PPARGC1A: variants seen among roughly 807,000 people sequenced by gnomAD.
PPARGC1A encodes the protein peroxisome proliferator-activated receptor gamma coactivator 1-alpha.
PPARGC1A carries 25 observed loss-of-function variants against 88.7 expected under a neutral mutation model. The observed-to-expected ratio is 0.28, with a 90% CI of 0.21 to 0.39. PPARGC1A has a LOEUF of 0.39. PPARGC1A is among the 10% of genes least tolerant of loss of function. PPARGC1A has a pLI of 1.00. For missense variants in PPARGC1A, 880 were observed against 968.7 expected (o/e 0.91, Z 1.22); for synonymous variants, 363 against 355.6 (o/e 1.02, Z -0.24).
intron 2 of PPARGC1A, among the ~76,000 whole-genome samples, chr4:23,871,576 C>T (rs775797731): frequency 1.3e-5 from 2 of 152,130 alleles, no homozygotes; most frequent in East Asian, 1.9e-4. Context: ...AGGGTGTCCC[C>T]GCTAAGTATG....
At chr4:24,228,329 T>A in the PPARGC1A span, among the ~76,000 whole-genome samples, 1 of 152,120 alleles carries the variant, frequency 6.6e-6, no homozygotes, top group African/African-American at 2.4e-5. Flanking sequence ...AGGAAGAAAT[T>A]ATATCCTTTG....
chr4:24,133,791 G>T, the PPARGC1A span, among the ~76,000 whole-genome samples: 1 of 152,138 alleles, frequency 6.6e-6, no homozygotes, highest in Non-Finnish European at 1.5e-5. Context: ...CTGTAGGGTG[G>T]CTTAACCCAT....
the PPARGC1A span, among the ~76,000 whole-genome samples, chr4:24,472,031 A>AG: frequency 6.6e-6 from 1 of 151,922 alleles, no homozygotes; most frequent in Admixed American, 6.6e-5. This position sits in a 1 kb window ranked among gnomAD's most constrained non-coding sequence, Gnocchi z 4.5. Context: ...GACTTGGGGA[A>AG]GGTTGCGCTC....
At chr4:23,994,949 G>A in the PPARGC1A span, among the ~76,000 whole-genome samples, 1 of 152,160 alleles carries the variant, frequency 6.6e-6, no homozygotes, top group Non-Finnish European at 1.5e-5. Flanking sequence ...GCATGAAGAA[G>A]GATTGCTGAG....
chr4:24,054,220 T>C, the PPARGC1A span, among the ~76,000 whole-genome samples: 1 of 151,740 alleles, frequency 6.6e-6, no homozygotes, highest in African/African-American at 2.4e-5. Context: ...AAAGAAGTGC[T>C]CATTTTTATA....
chr4:24,265,134 GT>G, the PPARGC1A span, among the ~76,000 whole-genome samples: 2 of 152,130 alleles, frequency 1.3e-5, no homozygotes, highest in African/African-American at 2.4e-5. Context: ...GGAAATGTGG[GT>G]TTGTTAAAAG....
chr4:23,933,652 G>A, the PPARGC1A span, among the ~76,000 whole-genome samples: 1 of 152,200 alleles, frequency 6.6e-6, no homozygotes, highest in East Asian at 1.9e-4. Context: ...CAGCTTTCTG[G>A]CTATCACCTG....
the PPARGC1A span, among the ~76,000 whole-genome samples, chr4:23,938,508 G>A: frequency 6.6e-6 from 1 of 152,182 alleles, no homozygotes; most frequent in African/African-American, 2.4e-5. Flanking sequence ...GAGAAAAACT[G>A]ACTCTGCAAG....
At chr4:24,012,177 G>T in the PPARGC1A span, among the ~76,000 whole-genome samples, 4 of 152,032 alleles carry the variant, frequency 2.6e-5, no homozygotes, top group Non-Finnish European at 5.9e-5. Context: ...AATATTTTTC[G>T]TGAAGTGTCT....
the PPARGC1A span, among the ~76,000 whole-genome samples, chr4:24,238,745 ATGTGTG>A: frequency 0.028 from 3,383 of 121,772 alleles, 61 homozygotes; most frequent in East Asian, 0.057. Context: ...AAGGTTGTAT[ATGTGTG>A]TGTGTGTGTG....
At chr4:24,160,351 T>C in the PPARGC1A span, among the ~76,000 whole-genome samples, 2 of 152,208 alleles carry the variant, frequency 1.3e-5, no homozygotes, top group Admixed American at 6.5e-5. Flanking sequence ...AGCATGTTAC[T>C]TGGTGATTAT....
At chr4:24,452,264 A>AACAC in the PPARGC1A span, among the ~76,000 whole-genome samples, 29,752 of 147,180 alleles carry the variant, frequency 0.2, 3,702 homozygotes, top group Non-Finnish European at 0.28. Context: ...CCCACACACA[A>AACAC]ACACACACAC....
At chr4:24,124,608 C>T in the PPARGC1A span, among the ~76,000 whole-genome samples, 1 of 152,036 alleles carries the variant, frequency 6.6e-6, no homozygotes, top group Non-Finnish European at 1.5e-5. Context: ...AGAGGGAGCT[C>T]CTAGTTGCTG....
chr4:24,145,210 A>G, the PPARGC1A span, among the ~76,000 whole-genome samples: 1 of 152,046 alleles, frequency 6.6e-6, no homozygotes, highest in South Asian at 2.1e-4. Context: ...GCTCCACTTT[A>G]TAGAGGAATG....
the PPARGC1A span, among the ~76,000 whole-genome samples, chr4:24,242,359 A>G: frequency 6.6e-6 from 1 of 152,144 alleles, no homozygotes; most frequent in Non-Finnish European, 1.5e-5. Context: ...CTAGTCCATG[A>G]CAGATAACTT....
chr4:23,881,417 C>G (rs752486021), intron 2 of PPARGC1A: 1 of 152,168 alleles, frequency 6.6e-6, no homozygotes, highest in South Asian at 2.1e-4. Flanking sequence ...TCTGCCACCA[C>G]CCAGAATTCC....
the PPARGC1A span, among the ~76,000 whole-genome samples, chr4:24,430,051 G>A: frequency 6.6e-6 from 1 of 152,056 alleles, no homozygotes; most frequent in African/African-American, 2.4e-5. Context: ...AGGTGGAACT[G>A]GAAAAAGCCT....
chr4:24,038,926 A>T, the PPARGC1A span, among the ~76,000 whole-genome samples: 1 of 152,140 alleles, frequency 6.6e-6, no homozygotes, highest in African/African-American at 2.4e-5. Context: ...TGGCAGCTTC[A>T]CCTCACGTCA....
At chr4:24,322,547 G>A in the PPARGC1A span, among the ~76,000 whole-genome samples, 1 of 152,222 alleles carries the variant, frequency 6.6e-6, no homozygotes. Flanking sequence ...GTATGTGAGT[G>A]TGTGTGTGCA....
Sources: gnomAD v4.1 joint callset for allele counts (sites outside exome capture counted in the v4.1 genomes callset) on GRCh38, gnomAD v4.1.1 for gene constraint, Gnocchi (gnomAD v3.1) non-coding constraint, MANE v1.5 for transcripts, NCBI Gene and HGNC (gene_info 2026-07-23, HGNC 2026-07-21) for gene names.